Variants in MED12L observed in about 807,000 individuals in gnomAD.
MED12L encodes mediator complex subunit 12L, also known as mediator of RNA polymerase II transcription subunit 12-like protein.
A neutral mutation model predicts 281.3 loss-of-function variants in MED12L; 60 were observed. That is an observed-to-expected ratio of 0.21 (90% CI 0.17 to 0.26). MED12L has a LOEUF of 0.26. Ranked by LOEUF, MED12L falls within the 10% of genes least tolerant of loss-of-function variation. The probability of loss-of-function intolerance (pLI) is 1.00; values close to 1 mark genes in which losing one functional copy is unlikely to be tolerated. For missense variants in MED12L, 2,146 were observed against 2,680.9 expected (o/e 0.80, Z 4.41); for synonymous variants, 974 against 987.2 (o/e 0.99, Z 0.25).
At position 151,355,207 on chromosome 3, in the gene MED12L, T is replaced by C. The variant is rs1473421066; in HGVS notation, c.2485T>C (p.Ser829Pro). The C allele has an allele frequency of 1.4e-5, 22 of 1,613,438 alleles. No individual in the cohort carries two copies. Among genetic ancestry groups the C allele is most frequent in the Non-Finnish European group, 1.8e-5 (21 of 1,179,596 alleles). ...ETVFTKLQLL[S>P]YFDQHQVTSQ... The stretch of plus-strand genomic sequence containing the variant: ...TGTGTTCACTAAACTCCAGCTCCTT[T>C]CATATTTTGATCAACATCAAGTGAC... The change falls in exon 18 of 45, where the codon TCA (serine) becomes CCA (proline). Residue 829 changes from serine to proline, a missense_variant. Physicochemically the swap from Ser to Pro is moderately conservative, Grantham distance 74 (BLOSUM62 -1). Transcript: ENST00000687756.
Position 151,158,570 on chromosome 3 carries a change from G to C in MED12L, c.727-119G>C, listed in dbSNP as rs868449287. Reference sequence around the variant, plus strand: ...TTAGAATTTGGACTGTGAGCAATGAGACTATGTTTAACAACAACAAAAACA... The same window carrying C: ...TTAGAATTTGGACTGTGAGCAATGACACTATGTTTAACAACAACAAAAACA... On this transcript the variant is annotated intron_variant, in intron 6 of 44. Transcript: ENST00000687756. 4 of 615,366 alleles carry C rather than the reference G, an allele frequency of 6.5e-6. No individual in the cohort carries two copies. In the South Asian group the frequency reaches 6.8e-5, roughly 11 times the overall value. The allele number at this position is 615,366 out of a possible 1,614,324, so 38.1% of individuals were successfully genotyped here. A position where few individuals can be genotyped will look rare whatever the true frequency, so the allele number is the denominator to read the frequency against.
chr3:151,284,620 T>C (rs888233712), intron 16 of MED12L, among the ~76,000 whole-genome samples: 10 of 152,186 alleles, frequency 6.6e-5, no homozygotes, highest in Non-Finnish European at 1.5e-4. Flanking sequence ...GTTTGTTTGT[T>C]TTTTGAGACA....
chr3:151,433,147 TTATG>T lies in MED12L; in HGVS notation c.*347_*350del, dbSNP rs1719717417. On this transcript the variant is annotated 3_prime_UTR_variant, in exon 45 of 45. Transcript: ENST00000687756. ...ATGGATTATGATGGATCTAAGGTATTTATGTATTTCATTCATTAATGATGACGTT... is the reference window on the plus strand; with the variant it reads ...ATGGATTATGATGGATCTAAGGTATTTATTTCATTCATTAATGATGACGTT... 1 of 189,976 alleles carries T rather than the reference TTATG, an allele frequency of 5.3e-6. No individual in the cohort carries two copies. Among genetic ancestry groups the T allele is most frequent in the East Asian group, 1.4e-4 (1 of 7,340 alleles). The allele number at this position is 189,976 out of a possible 1,614,324, so 11.8% of individuals were successfully genotyped here.
chr3:151,418,176 C>A (rs1040870895), intron 43 of MED12L, among the ~76,000 whole-genome samples: 1 of 152,190 alleles, frequency 6.6e-6, no homozygotes, highest in Non-Finnish European at 1.5e-5. Context: ...TTTCACTCCC[C>A]CCACCTACTG....
chr3:151,189,309 G>A (rs920340058), intron 13 of MED12L, among the ~76,000 whole-genome samples: 7 of 152,174 alleles, frequency 4.6e-5, no homozygotes, highest in Non-Finnish European at 7.4e-5. Context: ...GTGGCTTCCA[G>A]GCTAGAAGGA....
chr3:151,117,763 A>G (rs1414007564), intron 3 of MED12L, among the ~76,000 whole-genome samples: 1 of 151,684 alleles, frequency 6.6e-6, no homozygotes. Context: ...ATTTTTTTAA[A>G]ATTAAATGTC....
chr3:151,227,957 A>G (rs190854058), intron 16 of MED12L, among the ~76,000 whole-genome samples: 1 of 152,162 alleles, frequency 6.6e-6, no homozygotes, highest in African/African-American at 2.4e-5. Flanking sequence ...GTCCCCACAC[A>G]TTTCTAAATT....
chr3:151,241,925 G>A (rs549767015), intron 16 of MED12L: 10 of 153,350 alleles, frequency 6.5e-5, no homozygotes, highest in Middle Eastern at 3.3e-3. Context: ...CAGTGGGTGC[G>A]CGAGCCGAAG....
intron 2 of MED12L, among the ~76,000 whole-genome samples, chr3:151,096,501 T>C (rs1300258102): frequency 1.3e-5 from 2 of 152,008 alleles, no homozygotes; most frequent in African/African-American, 4.8e-5. Context: ...CATTAGGCAG[T>C]GCATTCTGAC....
chr3:151,177,018 G>A (rs1722132666), intron 11 of MED12L, among the ~76,000 whole-genome samples: 2 of 152,260 alleles, frequency 1.3e-5, no homozygotes, highest in Non-Finnish European at 2.9e-5. Context: ...AGTAAGTCTA[G>A]CATGTGTTAG....
At chr3:151,108,514 G>A (rs532760788) in intron 2 of MED12L, among the ~76,000 whole-genome samples, 2 of 152,254 alleles carry the variant, frequency 1.3e-5, no homozygotes, top group South Asian at 4.2e-4. Flanking sequence ...TTCTTTTGGG[G>A]GAGAGGTGGA....
chr3:151,352,808 G>T (rs1753399587), intron 17 of MED12L, among the ~76,000 whole-genome samples: 1 of 151,804 alleles, frequency 6.6e-6, no homozygotes, highest in Non-Finnish European at 1.5e-5. Context: ...TATTAGTGAA[G>T]TTTACTATGA....
intron 16 of MED12L, among the ~76,000 whole-genome samples, chr3:151,234,493 T>C (rs1410712703): frequency 6.6e-6 from 1 of 152,228 alleles, no homozygotes; most frequent in Non-Finnish European, 1.5e-5. Context: ...GCTTGTCTGT[T>C]TTACTGTGTT....
chr3:151,362,666 A>G (rs965406970), intron 21 of MED12L, among the ~76,000 whole-genome samples: 1 of 151,928 alleles, frequency 6.6e-6, no homozygotes, highest in South Asian at 2.1e-4. Context: ...TATTTTTTTC[A>G]CTGCTACATC....
At chr3:151,255,943 G>GT (rs1217770231) in intron 16 of MED12L, among the ~76,000 whole-genome samples, 4 of 152,150 alleles carry the variant, frequency 2.6e-5, no homozygotes, top group African/African-American at 7.2e-5. Flanking sequence ...TTTAAATCAC[G>GT]TAAGGTGTAT....
At chr3:151,097,675 C>A (rs1363103862) in intron 2 of MED12L, among the ~76,000 whole-genome samples, 1 of 152,154 alleles carries the variant, frequency 6.6e-6, no homozygotes, top group Admixed American at 6.5e-5. Flanking sequence ...TTGGCAGTGT[C>A]TGGAGACATT....
At chr3:151,292,593 A>G (rs1293634487) in intron 16 of MED12L, among the ~76,000 whole-genome samples, 1 of 148,484 alleles carries the variant, frequency 6.7e-6, no homozygotes, top group African/African-American at 2.5e-5. Flanking sequence ...TTTTTTTGAG[A>G]TGGAATTTTG....
At chr3:151,143,459 G>A (rs1397843040) in intron 5 of MED12L, among the ~76,000 whole-genome samples, 5 of 152,206 alleles carry the variant, frequency 3.3e-5, no homozygotes, top group Non-Finnish European at 5.9e-5. Flanking sequence ...ATGATTGGGC[G>A]CTTCCTCCCA....
At chr3:151,235,436 T>A (rs1732537270) in intron 16 of MED12L, among the ~76,000 whole-genome samples, 1 of 152,176 alleles carries the variant, frequency 6.6e-6, no homozygotes, top group African/African-American at 2.4e-5. Flanking sequence ...CCTGGCATGG[T>A]GGCTCATGCT....
Sources: gnomAD v4.1 joint callset for allele counts (sites outside exome capture counted in the v4.1 genomes callset) on GRCh38, gnomAD v4.1.1 for gene constraint, MANE v1.5 for transcripts, NCBI Gene and HGNC (gene_info 2026-07-23, HGNC 2026-07-21) for gene names.